The following MGAT5 variants were observed in gnomAD, a reference collection of about 807,000 sequenced individuals.
MGAT5 encodes alpha-1,6-mannosylglycoprotein 6-beta-N-acetylglucosaminyltransferase A.
A neutral mutation model predicts 94.3 loss-of-function variants in MGAT5; 30 were observed. The ratio of observed to expected loss-of-function variants is 0.32; its 90% CI spans 0.24 to 0.43. MGAT5 has a LOEUF of 0.43. Ranked by LOEUF, MGAT5 falls within the 20% of genes least tolerant of loss-of-function variation. MGAT5 has a pLI of 1.00. For synonymous variants in MGAT5, 310 were observed against 322.9 expected (o/e 0.96, Z 0.43); for missense variants, 691 against 905.5 (o/e 0.76, Z 3.04).
chr2:134,147,791 A>G (rs1177667270), intron 1 of MGAT5, among the ~76,000 whole-genome samples: 1 of 152,164 alleles, frequency 6.6e-6, no homozygotes, highest in East Asian at 1.9e-4. Flanking sequence ...TTCCACGTCT[A>G]TGCCTGGCAG....
intron 2 of MGAT5, among the ~76,000 whole-genome samples, chr2:134,282,756 C>T (rs951019504): frequency 4.6e-5 from 7 of 152,108 alleles, no homozygotes; most frequent in South Asian, 2.1e-4. Context: ...AAGAAATTAG[C>T]GAAGGAAGTG....
At chr2:134,124,856 T>C in intron 1 of MGAT5, among the ~76,000 whole-genome samples, 1 of 152,242 alleles carries the variant, frequency 6.6e-6, no homozygotes, top group East Asian at 1.9e-4. Context: ...GGCTGGCCCT[T>C]GAGGGAACAT....
At chr2:134,406,487 G>A (rs568659626) in intron 11 of MGAT5, among the ~76,000 whole-genome samples, 43 of 152,276 alleles carry the variant, frequency 2.8e-4, no homozygotes, top group Non-Finnish European at 5.1e-4. Flanking sequence ...TGGCAAATAT[G>A]CAGTGCTCCC....
At chr2:134,200,005 G>T (rs982519898) in intron 1 of MGAT5, among the ~76,000 whole-genome samples, 1 of 152,054 alleles carries the variant, frequency 6.6e-6, no homozygotes, top group Non-Finnish European at 1.5e-5. Flanking sequence ...GTACAATTTT[G>T]GTAAACACCT....
intron 1 of MGAT5, among the ~76,000 whole-genome samples, chr2:134,169,387 T>TAC (rs61268974): frequency 0.13 from 17,707 of 138,494 alleles, 1,881 homozygotes; most frequent in African/African-American, 0.29. Flanking sequence ...AATTTAAAAA[T>TAC]ACACACACAC....
At chr2:134,425,350 G>GT (rs963518126) in intron 13 of MGAT5, among the ~76,000 whole-genome samples, 2 of 151,546 alleles carry the variant, frequency 1.3e-5, no homozygotes, top group Non-Finnish European at 2.9e-5. Context: ...TGTGTTTTTA[G>GT]TTTTTTTTGT....
At chr2:134,356,879 A>G (rs1026767243) in intron 9 of MGAT5, among the ~76,000 whole-genome samples, 4 of 152,092 alleles carry the variant, frequency 2.6e-5, no homozygotes, top group Non-Finnish European at 4.4e-5. Flanking sequence ...AGTGAGACTG[A>G]CTGTGACCTC....
chr2:134,365,634 T>G (rs955098149), intron 10 of MGAT5, among the ~76,000 whole-genome samples: 1 of 152,084 alleles, frequency 6.6e-6, no homozygotes, highest in Admixed American at 6.5e-5. Context: ...TAGGGTGCAG[T>G]GGAGGGCCTG....
chr2:134,335,789 C>G (rs543554701), intron 4 of MGAT5, among the ~76,000 whole-genome samples: 1 of 152,240 alleles, frequency 6.6e-6, no homozygotes, highest in African/African-American at 2.4e-5. Context: ...CATTCCCTTT[C>G]CTTTCCAGAT....
intron 4 of MGAT5, 31 bp downstream of exon 4, chr2:134,318,770 G>C (rs746161505): frequency 1.3e-6 from 2 of 1,483,578 alleles, no homozygotes; most frequent in African/African-American, 1.4e-5. Flanking sequence ...CCTGGGGGTA[G>C]ATGTGACTGG....
chr2:134,289,787 A>G (rs1000589962), intron 2 of MGAT5, among the ~76,000 whole-genome samples: 1 of 152,236 alleles, frequency 6.6e-6, no homozygotes, highest in Non-Finnish European at 1.5e-5. Flanking sequence ...CTTCCTTGGT[A>G]GACCACATTT....
At chr2:134,121,309 C>T (rs1298530109) in intron 1 of MGAT5, among the ~76,000 whole-genome samples, 1 of 152,230 alleles carries the variant, frequency 6.6e-6, no homozygotes, top group Non-Finnish European at 1.5e-5. Context: ...GGTGCGCCCG[C>T]TTGGTGCCCG....
chr2:134,261,741 C>T (rs1257737806), intron 1 of MGAT5, among the ~76,000 whole-genome samples: 3 of 152,174 alleles, frequency 2.0e-5, no homozygotes, highest in African/African-American at 7.2e-5. Context: ...GGACTTTGGT[C>T]TGTTTTGTTC....
chr2:134,364,691 T>C (rs1041605784), intron 10 of MGAT5, among the ~76,000 whole-genome samples: 27 of 152,196 alleles, frequency 1.8e-4, no homozygotes, highest in African/African-American at 6.0e-4. Context: ...TTTGCCTGAG[T>C]AATAACACCC....
At chr2:134,208,488 A>G (rs879789485) in intron 1 of MGAT5, among the ~76,000 whole-genome samples, 35 of 152,232 alleles carry the variant, frequency 2.3e-4, no homozygotes, top group Non-Finnish European at 4.7e-4. Context: ...GTTTCAGCAG[A>G]TAAGAGAGTA....
At chr2:134,163,211 G>A (rs1039156205) in intron 1 of MGAT5, among the ~76,000 whole-genome samples, 1 of 152,136 alleles carries the variant, frequency 6.6e-6, no homozygotes, top group Non-Finnish European at 1.5e-5. Context: ...ACCTAGCTAC[G>A]ATATGGAGAA....
chr2:134,346,025 A>G (rs1177071106), intron 8 of MGAT5, among the ~76,000 whole-genome samples: 1 of 152,240 alleles, frequency 6.6e-6, no homozygotes, highest in African/African-American at 2.4e-5. Flanking sequence ...AAAAAAAGCA[A>G]AACTAAAAAC....
At chr2:134,391,596 C>T (rs1422025928) in intron 10 of MGAT5, among the ~76,000 whole-genome samples, 1 of 152,084 alleles carries the variant, frequency 6.6e-6, no homozygotes, top group Admixed American at 6.5e-5. Context: ...GGGCACTATT[C>T]CTATCCATGA....
At chr2:134,332,774 G>A (rs537819250) in intron 4 of MGAT5, among the ~76,000 whole-genome samples, 38 of 152,316 alleles carry the variant, frequency 2.5e-4, no homozygotes, top group African/African-American at 7.9e-4. Flanking sequence ...AGTGGGCGAA[G>A]GACATGAACA....
Sources: allele counts gnomAD v4.1 joint callset (sites outside exome capture counted in the v4.1 genomes callset), GRCh38; gene constraint gnomAD v4.1.1; transcripts MANE v1.5; gene names NCBI Gene and HGNC (gene_info 2026-07-23, HGNC 2026-07-21).